The following TSPAN5 variants were observed in gnomAD, a reference collection of about 807,000 sequenced individuals.
TSPAN5 encodes tetraspanin-5.
Under a neutral mutation model 37.1 loss-of-function variants are expected in TSPAN5, and 10 were observed. The ratio of observed to expected loss-of-function variants is 0.27; its 90% confidence interval spans 0.17 to 0.46. The LOEUF (loss-of-function observed/expected upper bound fraction) is 0.46, where lower values mean the gene tolerates loss of function less well. Ranked by LOEUF, TSPAN5 falls within the 20% of genes least tolerant of loss-of-function variation. The pLI is 1.00. For synonymous variants in TSPAN5, 110 were observed against 118.9 expected (o/e 0.93, Z 0.48); for missense variants, 195 against 326.6 (o/e 0.60, Z 3.11).
At chr4:98,647,817 C>T (rs556126986) in intron 1 of TSPAN5, among the ~76,000 whole-genome samples, 1 of 151,130 alleles carries the variant, frequency 6.6e-6, no homozygotes, top group African/African-American at 2.4e-5. Context: ...GGTTTGCATA[C>T]CATTCTGGTT....
chr4:98,502,505 G>A (rs1363101242), intron 2 of TSPAN5, among the ~76,000 whole-genome samples: 2 of 152,162 alleles, frequency 1.3e-5, no homozygotes, highest in African/African-American at 2.4e-5. Flanking sequence ...GAATTGAGGA[G>A]TGATGTATTA....
intron 1 of TSPAN5, among the ~76,000 whole-genome samples, chr4:98,526,015 G>A (rs1215664567): frequency 6.6e-6 from 1 of 152,122 alleles, no homozygotes; most frequent in Non-Finnish European, 1.5e-5. Context: ...AGAATCTACA[G>A]ATCACCGTGT....
chr4:98,633,396 C>G (rs1195242362), intron 1 of TSPAN5, among the ~76,000 whole-genome samples: 1 of 152,160 alleles, frequency 6.6e-6, no homozygotes, highest in Non-Finnish European at 1.5e-5. Context: ...TTTGCAGCGA[C>G]CTGTTCAGTT....
intron 1 of TSPAN5, among the ~76,000 whole-genome samples, chr4:98,524,327 G>T (rs1030642965): frequency 3.9e-5 from 6 of 152,152 alleles, no homozygotes; most frequent in Non-Finnish European, 8.8e-5. Flanking sequence ...GAATATATTA[G>T]GTTCACATTA....
intron 1 of TSPAN5, among the ~76,000 whole-genome samples, chr4:98,540,254 C>T (rs903521025): frequency 6.6e-6 from 1 of 152,164 alleles, no homozygotes; most frequent in Non-Finnish European, 1.5e-5. Context: ...ACATGAATTA[C>T]TTTTGCAAAT....
At chr4:98,626,557 C>A (rs1241200325) in intron 1 of TSPAN5, among the ~76,000 whole-genome samples, 3 of 152,022 alleles carry the variant, frequency 2.0e-5, no homozygotes, top group Non-Finnish European at 4.4e-5. Context: ...CTGCTTGGCT[C>A]CAGCCACCAG....
chr4:98,618,324 C>T (rs932089196), intron 1 of TSPAN5, among the ~76,000 whole-genome samples: 2 of 151,780 alleles, frequency 1.3e-5, no homozygotes, highest in Non-Finnish European at 2.9e-5. Context: ...TATTAATGTA[C>T]TAATACCTCA....
chr4:98,489,114 A>G (rs1365059456), intron 2 of TSPAN5, among the ~76,000 whole-genome samples: 1 of 152,184 alleles, frequency 6.6e-6, no homozygotes, highest in African/African-American at 2.4e-5. Flanking sequence ...GACACAGCTA[A>G]CTTGGCACCA....
intron 1 of TSPAN5, among the ~76,000 whole-genome samples, chr4:98,584,016 C>A (rs1755428929): frequency 6.6e-6 from 1 of 152,206 alleles, no homozygotes; most frequent in African/African-American, 2.4e-5. Flanking sequence ...AATAACCCCC[C>A]ATTCCAAAGG....
rs377243101 is a variant in TSPAN5 at position 98,626,636 on chromosome 4, G to A, written c.81+31510C>T. 5.9e-4 allele frequency among the ~76,000 whole-genome samples: 89 copies of A among 152,058 alleles called. 1 individual carries two copies. Among genetic ancestry groups the A allele is most frequent in the African/African-American group, 1.8e-3 (75 of 41,494 alleles). On this transcript the variant is annotated intron_variant, in intron 1 of 7. Transcript: ENST00000305798. ...TTCACCCCTACAGGCTCCCTCTGCC[G>A]GGACCGCTTTCCTGCAGCTAGCCCC...
intron 1 of TSPAN5, among the ~76,000 whole-genome samples, chr4:98,630,598 A>T (rs571471819): frequency 6.6e-6 from 1 of 152,292 alleles, no homozygotes; most frequent in African/African-American, 2.4e-5. Context: ...GACTGTGCAC[A>T]TAACTAGAAA....
chr4:98,562,879 G>T (rs1578994638), intron 1 of TSPAN5, among the ~76,000 whole-genome samples: 1 of 152,172 alleles, frequency 6.6e-6, no homozygotes, highest in Non-Finnish European at 1.5e-5. Context: ...CACTTGGGAT[G>T]CTTTAGAGTA....
chr4:98,471,862 C>T lies in TSPAN5; in HGVS notation c.*660G>A, dbSNP rs962863931. ...TAAAATACAGCCTCATGACGTCTTC[C>T]AATGCCCTTGCTCGGTGCACATGAA... On this transcript the variant is annotated 3_prime_UTR_variant, in exon 8 of 8. Transcript: ENST00000305798. 1 of 152,228 alleles carries T rather than the reference C, an allele frequency of 6.6e-6. No individual in the cohort carries two copies. Among genetic ancestry groups the T allele is most frequent in the African/African-American group, 2.4e-5 (1 of 41,440 alleles). The allele number at this position is 152,228 out of a possible 1,614,324, so 9.4% of individuals were successfully genotyped here. A position where few individuals can be genotyped will look rare whatever the true frequency, so the allele number is the denominator to read the frequency against.
At chr4:98,610,232 G>C (rs1756148338) in intron 1 of TSPAN5, among the ~76,000 whole-genome samples, 1 of 152,170 alleles carries the variant, frequency 6.6e-6, no homozygotes, top group African/African-American at 2.4e-5. Context: ...AAAAGATGAG[G>C]GGCAGCAAGA....
chr4:98,478,956 A>C, intron 4 of TSPAN5, 146 bp from the exon 5 acceptor site: 1 of 969,458 alleles, frequency 1.0e-6, no homozygotes, highest in Non-Finnish European at 1.5e-6. Flanking sequence ...CTGAACCTAA[A>C]TGGCCCATAT....
chr4:98,498,701 G>A (rs879022933), intron 2 of TSPAN5, among the ~76,000 whole-genome samples: 14 of 152,138 alleles, frequency 9.2e-5, no homozygotes, highest in Non-Finnish European at 1.6e-4. Context: ...AACCTTAGGA[G>A]GAGTTCCAAG....
In TSPAN5 at chr4:98,554,969, T is replaced by A. The variant is rs1202510142; in HGVS notation, c.82-47241A>T. On this transcript the variant is annotated intron_variant, in intron 1 of 7. Coordinates refer to ENST00000305798, the MANE Select transcript of TSPAN5 (RefSeq NM_005723.4). ...GTATAAAAATCCCACAGAAAGATAC[T>A]CTGCTTGGAGCTAGAAGTGTTAGGC... 3.3e-5 allele frequency among the ~76,000 whole-genome samples: 5 copies of A among 152,298 alleles called. No homozygotes were observed. The South Asian group carries it at 1.0e-3, about 32-fold the overall frequency.
chr4:98,515,291 C>T (rs1041844666), intron 1 of TSPAN5, among the ~76,000 whole-genome samples: 7 of 152,140 alleles, frequency 4.6e-5, no homozygotes, highest in African/African-American at 1.4e-4. Flanking sequence ...ATAAGAAGGG[C>T]ACCTCAGAAC....
At chr4:98,525,128 C>T (rs1753933542) in intron 1 of TSPAN5, among the ~76,000 whole-genome samples, 1 of 152,122 alleles carries the variant, frequency 6.6e-6, no homozygotes, top group East Asian at 1.9e-4. Context: ...GAGGTTGACC[C>T]TTGAGTAGGT....
Sources: gnomAD v4.1 joint callset for allele counts (sites outside exome capture counted in the v4.1 genomes callset) on GRCh38, gnomAD v4.1.1 for gene constraint, MANE v1.5 for transcripts, NCBI Gene and HGNC (gene_info 2026-07-23, HGNC 2026-07-21) for gene names.